PHF21A: variants seen among roughly 807,000 people sequenced by gnomAD.
The protein encoded by PHF21A is BHC80a.
In PHF21A, 11 loss-of-function variants were observed where a neutral mutation model predicts 82.5. The observed-to-expected ratio is 0.13, with a 90% CI of 0.08 to 0.22. PHF21A has a LOEUF of 0.22. Ranked by LOEUF, PHF21A falls within the 10% of genes least tolerant of loss-of-function variation. The probability of loss-of-function intolerance (pLI) is 1.00; values close to 1 mark genes in which losing one functional copy is unlikely to be tolerated. For synonymous variants in PHF21A, 297 were observed against 302.8 expected (o/e 0.98, Z 0.20); for missense variants, 579 against 837.8 (o/e 0.69, Z 3.81).
In PHF21A at chr11:45,948,913, T is replaced by C. The variant is rs2091708618; in HGVS notation, c.1261A>G (p.Thr421Ala). Residue 421 changes from threonine to alanine, a missense_variant, in exon 14 of 19, where the codon ACA becomes GCA. Coordinates refer to ENST00000676320, the MANE Select transcript of PHF21A (RefSeq NM_001352027.3). ...KKSAVTYLNS[T>A]MHPGTRKRGR... is the part of the protein sequence containing the mutation. Reference sequence around the variant, plus strand: ...CTCTTCCGGGTCCCAGGGTGCATTGTGCTGTTTAGGTATGTCACTGCACTC... The same window carrying C: ...CTCTTCCGGGTCCCAGGGTGCATTGCGCTGTTTAGGTATGTCACTGCACTC... The C allele has an allele frequency of 3.7e-6, 6 of 1,613,968 alleles. No homozygotes were observed. Among genetic ancestry groups the C allele is most frequent in the East Asian group, 2.2e-5 (1 of 44,896 alleles).
At chr11:46,065,318 A>G (rs1374581505) in intron 6 of PHF21A, among the ~76,000 whole-genome samples, 1 of 152,184 alleles carries the variant, frequency 6.6e-6, no homozygotes, top group Non-Finnish European at 1.5e-5. Flanking sequence ...CATAATCATA[A>G]AAAGAGATAT....
intron 1 of PHF21A, among the ~76,000 whole-genome samples, chr11:46,102,660 G>GA (rs2097109985): frequency 6.6e-6 from 1 of 152,150 alleles, no homozygotes; most frequent in African/African-American, 2.4e-5. Flanking sequence ...ACCCCAACCA[G>GA]AAAATACAGC....
At chr11:45,936,651 G>C (rs1161962093) in intron 16 of PHF21A, 82 bp from the exon 17 acceptor site, 2 of 885,226 alleles carry the variant, frequency 2.3e-6, no homozygotes, top group Non-Finnish European at 3.8e-6. Flanking sequence ...TGGTATCTGT[G>C]GCTACTGGCA....
chr11:46,030,983 T>A (rs1235193986), intron 6 of PHF21A, among the ~76,000 whole-genome samples: 3 of 152,076 alleles, frequency 2.0e-5, no homozygotes, highest in Non-Finnish European at 4.4e-5. Context: ...ATAAATGTCC[T>A]AAAATGCAAA....
chr11:45,952,970 T>C (rs1267249479), intron 11 of PHF21A, among the ~76,000 whole-genome samples: 1 of 152,266 alleles, frequency 6.6e-6, no homozygotes, highest in Non-Finnish European at 1.5e-5. Flanking sequence ...TGTTTATAAT[T>C]CTATCCTAAA....
chr11:46,009,579 C>T (rs2095370265), intron 6 of PHF21A, among the ~76,000 whole-genome samples: 1 of 152,134 alleles, frequency 6.6e-6, no homozygotes, highest in South Asian at 2.1e-4. Flanking sequence ...ATTTAATCTT[C>T]AAAGCAATCC....
intron 6 of PHF21A, among the ~76,000 whole-genome samples, chr11:46,067,256 T>C (rs764983188): frequency 6.6e-6 from 1 of 152,070 alleles, no homozygotes; most frequent in Non-Finnish European, 1.5e-5. Flanking sequence ...GGTAAAAACA[T>C]CCCAGGTTGA....
At chr11:45,937,958 C>T (rs1189571422) in intron 16 of PHF21A, among the ~76,000 whole-genome samples, 199 bp downstream of exon 16, 1 of 152,204 alleles carries the variant, frequency 6.6e-6, no homozygotes, top group Non-Finnish European at 1.5e-5. Flanking sequence ...AAGCATCTAT[C>T]CAGCTCAGTA....
At chr11:45,938,423 T>C in intron 15 of PHF21A, 111 bp from the exon 16 acceptor site, 1 of 811,984 alleles carries the variant, frequency 1.2e-6, no homozygotes, top group Non-Finnish European at 2.0e-6. Context: ...GCTGCCTCGT[T>C]CCAGGAGTAC....
intron 17 of PHF21A, among the ~76,000 whole-genome samples, chr11:45,936,175 G>T (rs2088980081): frequency 6.6e-6 from 1 of 152,180 alleles, no homozygotes. Context: ...CTATTTGGGA[G>T]GCTGAGGTAG....
chr11:46,009,764 A>T (rs2095374591), intron 6 of PHF21A, among the ~76,000 whole-genome samples: 1 of 152,150 alleles, frequency 6.6e-6, no homozygotes. Flanking sequence ...AATTAATATA[A>T]TTCTGCTCGT....
chr11:46,039,842 A>G (rs767582159), intron 6 of PHF21A, among the ~76,000 whole-genome samples: 1 of 152,222 alleles, frequency 6.6e-6, no homozygotes, highest in Admixed American at 6.5e-5. Flanking sequence ...TTTCCCTAAG[A>G]TTAAAAATAT....
At chr11:46,015,729 C>T (rs1056372306) in intron 6 of PHF21A, among the ~76,000 whole-genome samples, 12 of 152,124 alleles carry the variant, frequency 7.9e-5, no homozygotes, top group African/African-American at 2.9e-4. Context: ...TAGGCCTACA[C>T]AGGGTCACAA....
intron 14 of PHF21A, 106 bp downstream of exon 14, chr11:45,948,780 G>T: frequency 1.2e-6 from 1 of 815,068 alleles, no homozygotes; most frequent in East Asian, 2.4e-5. Flanking sequence ...TATTTTCAAA[G>T]GATAGAGGAG....
intron 1 of PHF21A, among the ~76,000 whole-genome samples, chr11:46,106,490 T>C (rs1314883785): frequency 3.3e-5 from 5 of 152,166 alleles, no homozygotes; most frequent in South Asian, 2.1e-4. Flanking sequence ...CTCTGAGGTG[T>C]TGGGGGTTGG....
At chr11:45,939,348 A>C (rs1202866024) in intron 15 of PHF21A, among the ~76,000 whole-genome samples, 2 of 152,232 alleles carry the variant, frequency 1.3e-5, no homozygotes, top group Non-Finnish European at 2.9e-5. Flanking sequence ...GTTTAGAAGG[A>C]CTGGGAAAGA....
chr11:46,088,611 C>T (rs2096884305), intron 3 of PHF21A, among the ~76,000 whole-genome samples: 1 of 152,128 alleles, frequency 6.6e-6, no homozygotes, highest in African/African-American at 2.4e-5. Flanking sequence ...TGTTTGTTTG[C>T]TTGTAAATCA....
intron 6 of PHF21A, among the ~76,000 whole-genome samples, chr11:46,031,984 T>G (rs2095875097): frequency 6.6e-6 from 1 of 152,190 alleles, no homozygotes; most frequent in Non-Finnish European, 1.5e-5. Context: ...TCTTCCACAC[T>G]AACATGAAAA....
chr11:46,021,446 G>T (rs2095629474), intron 6 of PHF21A, among the ~76,000 whole-genome samples: 1 of 152,106 alleles, frequency 6.6e-6, no homozygotes, highest in Non-Finnish European at 1.5e-5. Flanking sequence ...TGTCAATCTA[G>T]AAACAGTATT....
Sources: gnomAD v4.1 joint callset for allele counts (sites outside exome capture counted in the v4.1 genomes callset) on GRCh38, gnomAD v4.1.1 for gene constraint, MANE v1.5 for transcripts, NCBI Gene and HGNC (gene_info 2026-07-23, HGNC 2026-07-21) for gene names.